The following CPEB1 variants were observed in gnomAD, a reference collection of about 807,000 sequenced individuals.
CPEB1 encodes the protein cytoplasmic polyadenylation element binding protein 1, also known as cytoplasmic polyadenylation element-binding protein 1.
Under a neutral mutation model 65.8 loss-of-function variants are expected in CPEB1, and 7 were observed. The observed-to-expected ratio is 0.11, with a 90% CI of 0.06 to 0.20. The LOEUF (loss-of-function observed/expected upper bound fraction) is 0.20, where lower values mean the gene tolerates loss of function less well. Ranked by LOEUF, CPEB1 falls within the 10% of genes least tolerant of loss-of-function variation. The pLI, the probability that CPEB1 is intolerant of heterozygous loss-of-function variation, is 1.00. For synonymous variants in CPEB1, 262 were observed against 260.0 expected (o/e 1.01, Z -0.08); for missense variants, 551 against 712.2 (o/e 0.77, Z 2.58).
intron 1 of CPEB1, among the ~76,000 whole-genome samples, chr15:82,637,698 T>C (rs1357545699): frequency 6.6e-6 from 1 of 152,166 alleles, no homozygotes; most frequent in Admixed American, 6.5e-5. Context: ...TTTTAAGACG[T>C]CTTCATTCCT....
intron 1 of CPEB1, chr15:82,628,911 T>C (rs1449525822): frequency 1.2e-5 from 2 of 160,370 alleles, no homozygotes; most frequent in Non-Finnish European, 2.8e-5. Flanking sequence ...ATACAAAACA[T>C]GTGATCAACT....
intron 1 of CPEB1, among the ~76,000 whole-genome samples, chr15:82,633,713 C>A (rs550627928): frequency 8.5e-5 from 13 of 152,224 alleles, no homozygotes; most frequent in Non-Finnish European, 1.3e-4. Context: ...ATTTTCTCCT[C>A]TCCAATAGAT....
chr15:82,622,641 C>T (rs138546847), intron 3 of CPEB1, among the ~76,000 whole-genome samples: 1 of 152,160 alleles, frequency 6.6e-6, no homozygotes, highest in Non-Finnish European at 1.5e-5. Context: ...ATCTGCCCAC[C>T]TCGGCCTCCC....
At position 82,600,527 on chromosome 15, in the gene CPEB1, G is replaced by T. The variant is rs189676681; in HGVS notation, c.271+26666C>A. On this transcript the variant is annotated intron_variant, in intron 3 of 12. Coordinates refer to ENST00000684509, the MANE Select transcript of CPEB1 (RefSeq NM_001365242.1). Reference sequence around the variant, plus strand: ...GACTATATAAGATACTTTCTTCTGGGGTTCAAATATACACACAATTGAAAT... The same window carrying T: ...GACTATATAAGATACTTTCTTCTGGTGTTCAAATATACACACAATTGAAAT... Among the ~76,000 whole-genome samples, 23 of 152,206 alleles carry T rather than the reference G, an allele frequency of 1.5e-4. 1 individual carries two copies. The East Asian group carries it at 4.5e-3, about 29-fold the overall frequency.
Position 82,566,004 on chromosome 15 carries a change from G to C in CPEB1, c.460+5340C>G, listed in dbSNP as rs546344055. On this transcript the variant is annotated intron_variant, in intron 4 of 12. Transcript: ENST00000684509. ...TAATGCTACCTCAGAGGGTATAAGA[G>C]ACCAAATCAGCAGTGATATTTTTAG... 4.6e-5 allele frequency among the ~76,000 whole-genome samples: 7 copies of C among 152,312 alleles called. No individual in the cohort carries two copies. The South Asian group carries it at 8.3e-4, about 18-fold the overall frequency.
chr15:82,572,824 T>C (rs1286641910), intron 3 of CPEB1, among the ~76,000 whole-genome samples: 2 of 152,226 alleles, frequency 1.3e-5, no homozygotes, highest in Non-Finnish European at 1.5e-5. Flanking sequence ...CCAATGCTTA[T>C]TTCTGTGGCC....
chr15:82,603,127 T>C (rs1259178), intron 3 of CPEB1, among the ~76,000 whole-genome samples: 40,544 of 150,846 alleles, frequency 0.27, 5,826 homozygotes, highest in South Asian at 0.42. Context: ...TACCTTCCTC[T>C]CTAGCTCTAC....
chr15:82,644,636 C>T (rs1189096441), intron 1 of CPEB1, among the ~76,000 whole-genome samples: 1 of 152,138 alleles, frequency 6.6e-6, no homozygotes, highest in Non-Finnish European at 1.5e-5. Flanking sequence ...CGACTCTGGG[C>T]CCACATTTTT....
chr15:82,579,603 A>G (rs539176351), intron 3 of CPEB1, among the ~76,000 whole-genome samples: 1 of 151,950 alleles, frequency 6.6e-6, no homozygotes, highest in Non-Finnish European at 1.5e-5. Flanking sequence ...GAAGGATGAC[A>G]TGTGATCAAC....
intron 5 of CPEB1, 139 bp from the exon 6 acceptor site, chr15:82,556,261 ATTTTGATT>A: frequency 1.0e-6 from 1 of 981,310 alleles, no homozygotes; most frequent in Non-Finnish European, 1.4e-6. Context: ...TTCCTGAGCA[ATTTTGATT>A]AGTTCTAGTT....
intron 3 of CPEB1, chr15:82,573,056 T>C (rs947110546): frequency 1.3e-6 from 2 of 1,535,436 alleles, no homozygotes; most frequent in Non-Finnish European, 1.7e-6. Flanking sequence ...TTCTCCCCTG[T>C]TGCAAGGAGA....
chr15:82,583,070 C>T (rs1359820843), intron 3 of CPEB1, among the ~76,000 whole-genome samples: 1 of 152,166 alleles, frequency 6.6e-6, no homozygotes, highest in Non-Finnish European at 1.5e-5. Context: ...CCACAATCTG[C>T]TACTTATTCA....
At chr15:82,611,807 T>C (rs1382822449) in intron 3 of CPEB1, among the ~76,000 whole-genome samples, 2 of 132,206 alleles carry the variant, frequency 1.5e-5, no homozygotes, top group African/African-American at 3.0e-5. Flanking sequence ...AAGAAAACAA[T>C]AGGAAAAAAA....
chr15:82,547,116 A>G, intron 11 of CPEB1, 27 bp downstream of exon 11: 1 of 1,517,694 alleles, frequency 6.6e-7, no homozygotes, highest in Non-Finnish European at 9.1e-7. Flanking sequence ...TATACCCCAG[A>G]GTAAGGGCAT....
In CPEB1 at chr15:82,600,076, A is replaced by G. The variant is rs372998792; in HGVS notation, c.271+27117T>C. On this transcript the variant is annotated intron_variant, in intron 3 of 12. Transcript: ENST00000684509. ...AGTAATGAAAGATACCAGTCTATAC[A>G]TACAAGAAACCCAAGAACTCCCAAG... Among the ~76,000 whole-genome samples, 3 of 152,344 alleles carry G rather than the reference A, an allele frequency of 2.0e-5. No homozygotes were observed. The East Asian group carries it at 5.8e-4, about 29-fold the overall frequency.
rs763694189 is a variant in CPEB1, at chr15:82,557,870, T to C, written c.577A>G (p.Arg193Gly). 6.2e-7 allele frequency: 1 copy of C among 1,614,102 alleles called. No individual in the cohort carries two copies. The highest frequency in any genetic ancestry group is 1.7e-5 in the Admixed American group (1 of 60,026). The change falls in exon 5 of 13, where the codon AGA becomes GGA. Residue 193 changes from arginine to glycine, a missense_variant. Physicochemically the swap from Arg to Gly is moderately radical, Grantham distance 125. Coordinates refer to ENST00000684509, the MANE Select transcript of CPEB1 (RefSeq NM_001365242.1). ...GGCCGGGTGTCCAGGCGTGATCCTC[T>C]AACTGAGGGTGCTGGAAACTTGTCC... Reference protein sequence around the residue: ...LVDKFPAPSVRGSRLDTRPIL... With the variant: ...LVDKFPAPSVGGSRLDTRPIL...
At chr15:82,613,882 C>G (rs1345694190) in intron 3 of CPEB1, among the ~76,000 whole-genome samples, 1 of 152,132 alleles carries the variant, frequency 6.6e-6, no homozygotes, top group African/African-American at 2.4e-5. Context: ...CTCAATGCCC[C>G]CCTGGGACAG....
Position 82,544,540 on chromosome 15 carries a change from G to C in CPEB1, c.*52C>G. The C allele has an allele frequency of 7.0e-7, 1 of 1,428,648 alleles. No homozygotes were observed. The highest frequency in any genetic ancestry group is 9.7e-7 in the Non-Finnish European group (1 of 1,025,794). 88.5% of individuals were successfully genotyped at this position (1,428,648 alleles called of 1,614,324 possible). A position where few individuals can be genotyped will look rare whatever the true frequency, so the allele number is the denominator to read the frequency against. On this transcript the variant is annotated 3_prime_UTR_variant, in exon 13 of 13. Transcript: ENST00000684509. ...AGTGGCAGGGTGGTGCAGGCTGCTTGCCTGACCTGCCAGCTTTGGGCGCCA... is the reference window on the plus strand; with the variant it reads ...AGTGGCAGGGTGGTGCAGGCTGCTTCCCTGACCTGCCAGCTTTGGGCGCCA...
intron 3 of CPEB1, among the ~76,000 whole-genome samples, chr15:82,589,797 G>T (rs2042075039): frequency 6.6e-6 from 1 of 151,946 alleles, no homozygotes; most frequent in South Asian, 2.1e-4. Context: ...ACCAACCGCA[G>T]ATCAAAAGTA....
Sources: allele counts gnomAD v4.1 joint callset (sites outside exome capture counted in the v4.1 genomes callset), GRCh38; gene constraint gnomAD v4.1.1; transcripts MANE v1.5; gene names NCBI Gene and HGNC (gene_info 2026-07-23, HGNC 2026-07-21).